The following MACROD2 variants were observed in gnomAD, a reference collection of about 807,000 sequenced individuals.
MACROD2 encodes the protein ADP-ribose glycohydrolase MACROD2.
A neutral mutation model predicts 70.4 loss-of-function variants in MACROD2; 36 were observed. The observed-to-expected ratio is 0.51, with a 90% confidence interval of 0.39 to 0.68. The LOEUF is 0.68. Ranked by LOEUF, MACROD2 falls within the 30% of genes least tolerant of loss-of-function variation. The pLI is 0.00. For synonymous variants in MACROD2, 172 were observed against 178.8 expected, an observed-to-expected ratio of 0.96 and a Z score of 0.30; for missense variants, 496 against 538.4, an observed-to-expected ratio of 0.92 and a Z score of 0.78.
chr20:15,028,500 C>T (rs1473031616), intron 5 of MACROD2, among the ~76,000 whole-genome samples: 1 of 152,178 alleles, frequency 6.6e-6, no homozygotes, highest in African/African-American at 2.4e-5. Flanking sequence ...TGGATGTCAC[C>T]TTTTAGCACT....
At chr20:14,780,973 T>C (rs185376345) in intron 5 of MACROD2, among the ~76,000 whole-genome samples, 1 of 152,294 alleles carries the variant, frequency 6.6e-6, no homozygotes, top group Admixed American at 6.5e-5. Flanking sequence ...TTTTGATACA[T>C]GTATATATTG....
At chr20:15,073,327 C>A (rs1057347891) in intron 5 of MACROD2, among the ~76,000 whole-genome samples, 1 of 152,076 alleles carries the variant, frequency 6.6e-6, no homozygotes, top group Non-Finnish European at 1.5e-5. Context: ...CATACCTCAA[C>A]CATTCTCACT....
At chr20:15,096,993 G>A (rs977285640) in intron 5 of MACROD2, among the ~76,000 whole-genome samples, 1 of 151,382 alleles carries the variant, frequency 6.6e-6, no homozygotes, top group Non-Finnish European at 1.5e-5. Flanking sequence ...TGCATTTTTA[G>A]TAAAGACAGG....
intron 8 of MACROD2, among the ~76,000 whole-genome samples, chr20:15,540,372 C>T (rs149387107): frequency 4.8e-4 from 73 of 152,242 alleles, no homozygotes; most frequent in African/African-American, 1.4e-3. Flanking sequence ...AAGCTGACCC[C>T]GGCCATCGTG....
intron 2 of MACROD2, among the ~76,000 whole-genome samples, chr20:14,077,888 G>A (rs1422526589): frequency 2.2e-5 from 3 of 137,412 alleles, no homozygotes; most frequent in Non-Finnish European, 4.6e-5. Context: ...ACTGTGAAAG[G>A]TTTTTCTTTT....
At chr20:15,189,016 A>T (rs1275937921) in intron 5 of MACROD2, among the ~76,000 whole-genome samples, 1 of 152,134 alleles carries the variant, frequency 6.6e-6, no homozygotes, top group Non-Finnish European at 1.5e-5. Flanking sequence ...TAAGATTTTA[A>T]TTTCCTATCC....
intron 3 of MACROD2, among the ~76,000 whole-genome samples, chr20:14,162,741 A>G (rs2055208398): frequency 6.6e-6 from 1 of 151,334 alleles, no homozygotes; most frequent in South Asian, 2.1e-4. Context: ...TTCAGCCTGT[A>G]TGTGTCTTTA....
intron 8 of MACROD2, among the ~76,000 whole-genome samples, chr20:15,701,877 C>G (rs1255210186): frequency 6.6e-6 from 1 of 152,198 alleles, no homozygotes. Context: ...CACGAGTACT[C>G]ACTGTTTAGC....
At chr20:14,382,923 A>T (rs527329486) in intron 3 of MACROD2, among the ~76,000 whole-genome samples, 24 of 152,192 alleles carry the variant, frequency 1.6e-4, no homozygotes, top group Non-Finnish European at 3.2e-4. Context: ...GAAAAAAATC[A>T]ATATTTTCCA....
chr20:15,031,905 C>T (rs1349868103), intron 5 of MACROD2, among the ~76,000 whole-genome samples: 3 of 152,176 alleles, frequency 2.0e-5, no homozygotes, highest in East Asian at 1.9e-4. Context: ...TTCTGCCTCC[C>T]GCCATCAGCA....
chr20:15,865,982 A>G (rs758092547), intron 9 of MACROD2, among the ~76,000 whole-genome samples: 4 of 152,140 alleles, frequency 2.6e-5, no homozygotes, highest in Non-Finnish European at 4.4e-5. Flanking sequence ...GCAGTTGTGG[A>G]GTATATTGGG....
intron 13 of MACROD2, among the ~76,000 whole-genome samples, chr20:15,975,198 CT>C (rs1568679824): frequency 6.6e-6 from 1 of 152,044 alleles, no homozygotes; most frequent in Non-Finnish European, 1.5e-5. Flanking sequence ...ATAGTATCTT[CT>C]CTTTTTGAAC....
rs747679634 is a variant in MACROD2, at chr20:15,862,762, C to A, written c.663C>A (p.Phe221Leu). The change falls in exon 9 of 18, where the codon TTC (phenylalanine) becomes TTA (leucine). Residue 221 changes from phenylalanine (F) to leucine (L), a missense_variant. Transcript: ENST00000684519. ...KNHHEVDRII[F>L]CVFLEVDFKI... ...GCCTCTAGGTGGATCGGATCATTTT[C>A]TGTGTCTTCTTAGAAGTTGACTTCA... 126 of 1,611,914 alleles carry A rather than the reference C, an allele frequency of 7.8e-5. No homozygotes were observed. Among genetic ancestry groups the A allele is most frequent in the Non-Finnish European group, 1.0e-4 (119 of 1,179,158 alleles).
chr20:15,401,781 A>T (rs1352889888), intron 6 of MACROD2, among the ~76,000 whole-genome samples: 17 of 152,222 alleles, frequency 1.1e-4, no homozygotes, highest in Admixed American at 1.1e-3. Flanking sequence ...TTGTAGTTAT[A>T]GGATCCACCA....
chr20:14,276,483 G>T (rs1212143250), intron 3 of MACROD2, among the ~76,000 whole-genome samples: 2 of 96,710 alleles, frequency 2.1e-5, no homozygotes, highest in East Asian at 3.8e-4. Context: ...GTTGTGGGGT[G>T]GGGGGAGGGG....
At chr20:15,386,423 A>T (rs775924593) in intron 6 of MACROD2, among the ~76,000 whole-genome samples, 6 of 152,256 alleles carry the variant, frequency 3.9e-5, no homozygotes, top group Non-Finnish European at 8.8e-5. Context: ...TGAGACCCAG[A>T]GAAAGTAAGT....
intron 5 of MACROD2, among the ~76,000 whole-genome samples, chr20:15,065,212 T>G (rs2075564004): frequency 1.3e-5 from 2 of 152,200 alleles, no homozygotes. Flanking sequence ...TTTGTTCTTC[T>G]GGCAGCCAGC....
chr20:14,669,991 C>A (rs996990062), intron 4 of MACROD2, among the ~76,000 whole-genome samples: 1 of 151,836 alleles, frequency 6.6e-6, no homozygotes, highest in Non-Finnish European at 1.5e-5. Context: ...AGGGTCTCTG[C>A]CTGGATGGAG....
At chr20:14,230,669 C>CTATATATATA (rs71190120) in intron 3 of MACROD2, among the ~76,000 whole-genome samples, 7 of 92,918 alleles carry the variant, frequency 7.5e-5, no homozygotes, top group African/African-American at 3.6e-4. Context: ...CAGGCTGGGC[C>CTATATATATA]TATATATATA....
Sources: gnomAD v4.1 joint callset for allele counts (sites outside exome capture counted in the v4.1 genomes callset) on GRCh38, gnomAD v4.1.1 for gene constraint, MANE v1.5 for transcripts, NCBI Gene and HGNC (gene_info 2026-07-23, HGNC 2026-07-21) for gene names.